Variants in SPEF2 observed in about 807,000 individuals in gnomAD.
SPEF2 encodes sperm flagella and cilia-associated protein 2.
In SPEF2, 187 loss-of-function variants were observed where a neutral mutation model predicts 224.6. The observed-to-expected ratio is 0.83, with a 90% CI of 0.74 to 0.94. The LOEUF (loss-of-function observed/expected upper bound fraction) is 0.94, where lower values mean the gene tolerates loss of function less well. SPEF2 is among the 40% of genes least tolerant of loss of function. The pLI is 0.00. For missense variants in SPEF2, 2,170 were observed against 2,135.6 expected, an observed-to-expected ratio of 1.02 and a Z score of -0.32; for synonymous variants, 715 against 707.3, an observed-to-expected ratio of 1.01 and a Z score of -0.17.
chr5:35,813,832 T>TA (rs34553306), intron 36 of SPEF2, among the ~76,000 whole-genome samples: 62,529 of 148,230 alleles, frequency 0.42, 13,370 homozygotes, highest in African/African-American at 0.51. Flanking sequence ...AATTGTGAAA[T>TA]AAAAAAAAAA....
At chr5:35,786,080 T>A (rs1264288468) in intron 30 of SPEF2, among the ~76,000 whole-genome samples, 1 of 152,222 alleles carries the variant, frequency 6.6e-6, no homozygotes, top group Admixed American at 6.5e-5. Flanking sequence ...GAGTTCTGAA[T>A]GTGTACCCTC....
intron 7 of SPEF2, 57 bp from the exon 8 acceptor site, chr5:35,658,962 T>C: frequency 7.2e-7 from 1 of 1,394,054 alleles, no homozygotes; most frequent in Non-Finnish European, 9.6e-7. Context: ...ATAGGCTTCG[T>C]AGCTCAGCGG....
Position 35,771,373 on chromosome 5 carries a change from C to T in SPEF2, c.3802-236C>T, listed in dbSNP as rs369021315. Among the ~76,000 whole-genome samples, 7 of 152,142 alleles carry T rather than the reference C, an allele frequency of 4.6e-5. No homozygotes were observed. The South Asian group carries it at 1.5e-3, about 32-fold the overall frequency. ...ACGTAAGGATGATTTGCAGGTGGGG[C>T]TTGAGAAAGCGAGCAGCCTCCACAT... is the stretch of plus-strand genomic sequence containing the variant. On this transcript the variant is annotated intron_variant, in intron 26 of 36. Transcript: ENST00000356031.
intron 8 of SPEF2, among the ~76,000 whole-genome samples, chr5:35,662,621 G>A (rs185633019): frequency 5.8e-4 from 88 of 152,202 alleles, no homozygotes; most frequent in Admixed American, 4.4e-3. Context: ...GTAAGGGAGG[G>A]GTCCAGTTTC....
intron 26 of SPEF2, among the ~76,000 whole-genome samples, chr5:35,768,487 A>T (rs907162615): frequency 2.0e-5 from 3 of 152,172 alleles, no homozygotes; most frequent in African/African-American, 7.2e-5. Context: ...TAGGAAAATC[A>T]CTTAACCTCT....
chr5:35,768,832 C>G (rs1419981825), intron 26 of SPEF2, among the ~76,000 whole-genome samples: 2 of 152,122 alleles, frequency 1.3e-5, no homozygotes, highest in Non-Finnish European at 2.9e-5. Context: ...GGGCAAATAG[C>G]ACCAGCTGAG....
intron 20 of SPEF2, 46 bp downstream of exon 20, chr5:35,712,932 T>C (rs748049505): frequency 7.2e-6 from 11 of 1,528,926 alleles, no homozygotes; most frequent in Non-Finnish European, 9.9e-6. Context: ...TTCTGCATTT[T>C]ATAACTATCT....
chr5:35,778,710 T>C (rs1753934784), intron 29 of SPEF2, among the ~76,000 whole-genome samples: 1 of 152,196 alleles, frequency 6.6e-6, no homozygotes, highest in Non-Finnish European at 1.5e-5. Context: ...TCCAAATAAA[T>C]GTAATTCTAA....
At chr5:35,784,636 G>A (rs1171419273) in intron 30 of SPEF2, among the ~76,000 whole-genome samples, 1 of 152,164 alleles carries the variant, frequency 6.6e-6, no homozygotes, top group East Asian at 1.9e-4. Context: ...CAGGGGAAGG[G>A]TATTCCAGGC....
intron 21 of SPEF2, among the ~76,000 whole-genome samples, chr5:35,730,611 T>C (rs1745492809): frequency 6.6e-6 from 1 of 152,196 alleles, no homozygotes; most frequent in South Asian, 2.1e-4. Context: ...GTTCAAAATA[T>C]AGAGGGGGCT....
chr5:35,746,126 A>G (rs1042223078), intron 23 of SPEF2, among the ~76,000 whole-genome samples: 1 of 152,240 alleles, frequency 6.6e-6, no homozygotes, highest in African/African-American at 2.4e-5. Flanking sequence ...AAAGCAGGAG[A>G]GTATTACATC....
chr5:35,653,077 T>C (rs1469789059), intron 6 of SPEF2, among the ~76,000 whole-genome samples: 1 of 152,186 alleles, frequency 6.6e-6, no homozygotes, highest in South Asian at 2.1e-4. Context: ...GATTATTTGA[T>C]CTTTGTATAC....
intron 5 of SPEF2, 148 bp from the exon 6 acceptor site, chr5:35,649,213 T>TA (rs1164689692): frequency 4.1e-5 from 25 of 604,972 alleles, no homozygotes; most frequent in Non-Finnish European, 4.7e-5. Context: ...ATCAAAATTA[T>TA]AAAAAAAATT....
chr5:35,793,210 C>A lies in SPEF2; in HGVS notation c.4606C>A (p.Arg1536=), dbSNP rs777398984. The A allele has an allele frequency of 6.2e-7, 1 of 1,614,148 alleles. No individual in the cohort carries two copies. The highest frequency in any genetic ancestry group is 8.5e-7 in the Non-Finnish European group (1 of 1,180,018). The change falls in exon 32 of 37, where the codon CGG becomes AGG. Residue 1536 remains arginine, a synonymous_variant. Coordinates refer to ENST00000356031, the MANE Select transcript of SPEF2 (RefSeq NM_024867.4). ...AGTCAACTCCGAGTTCGTGGACTGG[C>A]GGAAGTTCCTGTTAGTAACCTCAAT... The part of the protein sequence containing the change: ...LTVNSEFVDW[R]KFLLVTSMPW...
intron 27 of SPEF2, among the ~76,000 whole-genome samples, chr5:35,772,688 A>G (rs1208107764): frequency 6.6e-6 from 1 of 152,108 alleles, no homozygotes; most frequent in Non-Finnish European, 1.5e-5. Context: ...AGAACGCACC[A>G]CTTTAGTCCA....
At position 35,713,560 on chromosome 5, in the gene SPEF2, C is replaced by A. The variant is rs568280608; in HGVS notation, c.2914+674C>A. The stretch of plus-strand genomic sequence containing the variant: ...ACCATCCTGGCCAACATGGTGAAAC[C>A]CCATCTCTACTAAAAAAATACAAAA... On this transcript the variant is annotated intron_variant, in intron 20 of 36. Transcript: ENST00000356031. Among the ~76,000 whole-genome samples, 13 of 151,084 alleles carry A rather than the reference C, an allele frequency of 8.6e-5. No homozygotes were observed. The East Asian group carries it at 2.3e-3, about 27-fold the overall frequency.
Position 35,630,695 on chromosome 5 carries a change from C to CA in SPEF2, c.161+2140dup, listed in dbSNP as rs1367926106. 5.7e-3 allele frequency among the ~76,000 whole-genome samples: 846 copies of CA among 149,312 alleles called. 10 individuals are homozygous for CA. Among genetic ancestry groups the CA allele is most frequent in the African/African-American group, 0.02 (800 of 39,392 alleles). On this transcript the variant is annotated intron_variant, in intron 2 of 36. Transcript: ENST00000356031. ...TGGGCAGCAGAGCGAGACTCCGTCT[C>CA]AAAAAAAGAAAAAAAAAGAAATTTC...
At chr5:35,619,765 C>T (rs934710905) in intron 1 of SPEF2, among the ~76,000 whole-genome samples, 2 of 152,086 alleles carry the variant, frequency 1.3e-5, no homozygotes, top group Non-Finnish European at 2.9e-5. Context: ...TTTTGAAATA[C>T]TTTTAGGAGA....
chr5:35,769,547 T>C (rs868297492), intron 26 of SPEF2, among the ~76,000 whole-genome samples: 1 of 152,112 alleles, frequency 6.6e-6, no homozygotes, highest in African/African-American at 2.4e-5. Context: ...TGAAAGAAAG[T>C]CCATTGACTA....
Sources: gnomAD v4.1 joint callset for allele counts (sites outside exome capture counted in the v4.1 genomes callset) on GRCh38, gnomAD v4.1.1 for gene constraint, MANE v1.5 for transcripts, NCBI Gene and HGNC (gene_info 2026-07-23, HGNC 2026-07-21) for gene names.